AKTIP: variants seen among roughly 807,000 people sequenced by gnomAD.
AKTIP encodes AKT-interacting protein.
AKTIP carries 16 observed loss-of-function variants against 39.1 expected under a neutral mutation model. The ratio of observed to expected loss-of-function variants is 0.41; its 90% confidence interval spans 0.28 to 0.62. AKTIP has a LOEUF of 0.62. AKTIP is among the 20% of genes least tolerant of loss of function. AKTIP has a pLI of 0.32. For synonymous variants in AKTIP, 93 were observed against 124.3 expected, an observed-to-expected ratio of 0.75 and a Z score of 1.67; for missense variants, 262 against 356.6, an observed-to-expected ratio of 0.73 and a Z score of 2.14.
At chr16:53,500,102 G>T in intron 2 of AKTIP, 116 bp downstream of exon 2, 8 of 706,272 alleles carry the variant, frequency 1.1e-5, no homozygotes, top group Non-Finnish European at 1.4e-5. Flanking sequence ...GAAAAACCAG[G>T]TAATTTTGTC....
At chr16:53,501,681 C>T (rs1962178333) in intron 1 of AKTIP, 1 of 152,238 alleles carries the variant, frequency 6.6e-6, no homozygotes, top group African/African-American at 2.4e-5. Flanking sequence ...TCTTCTCTGA[C>T]GAGCTTGTGA....
chr16:53,501,667 T>A (rs1172437948), intron 1 of AKTIP: 1 of 152,214 alleles, frequency 6.6e-6, no homozygotes, highest in African/African-American at 2.4e-5. Context: ...TCAGCAATAA[T>A]TTGTCTTCTC....
rs1195222012 is a variant in AKTIP at position 53,492,893 on chromosome 16, CATT to C, written c.711-143_711-141del. On this transcript the variant is annotated intron_variant, in intron 8 of 9. Coordinates refer to ENST00000394657, the MANE Select transcript of AKTIP (RefSeq NM_022476.4). ...TTGTTGTCGACATGTATGTTTTAGA[CATT>C]ATCTAATTAATTTTCTCACATAACT... 3 of 693,870 alleles carry C rather than the reference CATT, an allele frequency of 4.3e-6. No homozygotes were observed. The East Asian group carries it at 8.3e-5, about 19-fold the overall frequency. 43.0% of individuals were successfully genotyped at this position (693,870 alleles called of 1,614,324 possible).
At chr16:53,497,712 A>C (rs2150862312) in intron 3 of AKTIP, among the ~76,000 whole-genome samples, 1 of 152,370 alleles carries the variant, frequency 6.6e-6, no homozygotes, top group South Asian at 2.1e-4. Flanking sequence ...CGAATTCCTC[A>C]CTTCACATAA....
At chr16:53,502,361 G>C (rs558191110) in intron 1 of AKTIP, among the ~76,000 whole-genome samples, 1 of 152,334 alleles carries the variant, frequency 6.6e-6, no homozygotes, top group East Asian at 1.9e-4. Context: ...AACAATTTTA[G>C]AATTTCTGCC....
At chr16:53,500,527 G>C (rs1962107261) in intron 1 of AKTIP, among the ~76,000 whole-genome samples, 198 bp from the exon 2 acceptor site, 2 of 152,038 alleles carry the variant, frequency 1.3e-5, no homozygotes, top group South Asian at 4.1e-4. Context: ...ACAGGTGCCT[G>C]CCACCATGCC....
In AKTIP at chr16:53,495,185, A is replaced by AAT. The variant is rs1437074420; in HGVS notation, c.314-14_314-13dup. 25 of 1,612,444 alleles carry AAT rather than the reference A, an allele frequency of 1.6e-5. No individual in the cohort carries two copies. Among genetic ancestry groups the AAT allele is most frequent in the East Asian group, 8.9e-5 (4 of 44,862 alleles). On this transcript the variant is annotated splice_polypyrimidine_tract_variant and intron_variant, in intron 4 of 9. Coordinates refer to ENST00000394657, the MANE Select transcript of AKTIP (RefSeq NM_022476.4). The stretch of plus-strand genomic sequence containing the variant: ...TACTCCAAACCACACTGTAGGAAAA[A>AAT]ATAAAAGAGTTAAGGCCTAAATTTG...
chr16:53,499,608 C>T (rs1434067197), intron 2 of AKTIP, among the ~76,000 whole-genome samples: 10 of 151,954 alleles, frequency 6.6e-5, no homozygotes, highest in South Asian at 2.1e-4. Context: ...AACAGGCGCC[C>T]GCCACCATGC....
chr16:53,494,339 A>C lies in AKTIP; in HGVS notation c.602T>G (p.Leu201Arg). The stretch of plus-strand genomic sequence containing the variant: ...AAATAACAAAGCAAAAGTTACATAC[A>C]GTACTGCAGCCTCTGGGTTCAGGGG... ...ASPLNPEAAV[L>R]YEKDIQLFKS... The change falls in exon 7 of 10, where the codon CTG (leucine) becomes CGG (arginine). Residue 201 changes from leucine (L) to arginine (R), a missense_variant and splice_region_variant. By Grantham distance (102) the Leu-to-Arg change is moderately radical. Coordinates refer to ENST00000394657, the MANE Select transcript of AKTIP (RefSeq NM_022476.4). 2 of 1,614,066 alleles carry C rather than the reference A, an allele frequency of 1.2e-6. No homozygotes were observed. Among genetic ancestry groups the C allele is most frequent in the Non-Finnish European group, 1.7e-6 (2 of 1,179,908 alleles).
chr16:53,494,175 A>G lies in AKTIP; in HGVS notation c.673T>C (p.Phe225Leu). The G allele has an allele frequency of 1.2e-6, 2 of 1,614,232 alleles. No individual in the cohort carries two copies. The highest frequency in any genetic ancestry group is 1.7e-6 in the Non-Finnish European group (2 of 1,180,028). ...DSVKVCTARL[F>L]DQPKIEDPYA... ...GGGTCTTCTATTTTAGGTTGGTCAA[A>G]CAAACGAGCAGTGCACACCTTAACA... Residue 225 changes from phenylalanine (F) to leucine (L), a missense_variant, in exon 8 of 10, where the codon TTT becomes CTT. Transcript: ENST00000394657.
At chr16:53,494,097 A>T (rs1961673919) in intron 8 of AKTIP, 41 bp downstream of exon 8, 1 of 1,445,574 alleles carries the variant, frequency 6.9e-7, no homozygotes, top group Admixed American at 1.7e-5. Context: ...AGTGTATTGG[A>T]AAGGACAGTG....
intron 1 of AKTIP, among the ~76,000 whole-genome samples, chr16:53,502,281 G>T (rs1050011508): frequency 3.4e-4 from 52 of 152,188 alleles, no homozygotes; most frequent in Non-Finnish European, 7.3e-4. Context: ...TCTAGGACAA[G>T]CACAGCATAC....
At chr16:53,503,983 AG>A (rs1405769848), upstream of AKTIP, among the ~76,000 whole-genome samples, 1 of 134,156 alleles carries the variant, frequency 7.5e-6, no homozygotes, top group Non-Finnish European at 1.6e-5. Context: ...GGCTGGGGGG[AG>A]GGGGGAGGCT....
rs1426340920 is a variant in AKTIP, at chr16:53,492,400, A to T, written c.*12T>A. 1 of 1,605,642 alleles carries T rather than the reference A, an allele frequency of 6.2e-7. No homozygotes were observed. The highest frequency in any genetic ancestry group is 2.2e-5 in the East Asian group (1 of 44,848). ...AGCAGGAAAGTGCATGGTGCACCAGATTCACCATCTCTTAAGTCGCCACTG... is the reference window on the plus strand; with the variant it reads ...AGCAGGAAAGTGCATGGTGCACCAGTTTCACCATCTCTTAAGTCGCCACTG... On this transcript the variant is annotated 3_prime_UTR_variant, in exon 10 of 10. Coordinates refer to ENST00000394657, the MANE Select transcript of AKTIP (RefSeq NM_022476.4).
intron 1 of AKTIP, chr16:53,502,933 C>CA (rs1962264457): frequency 6.6e-6 from 1 of 152,408 alleles, no homozygotes; most frequent in East Asian, 1.9e-4. Flanking sequence ...CAGTCCCCAG[C>CA]AGCAGTCCCG....
At chr16:53,492,848 A>AT (rs1434862761) in intron 8 of AKTIP, 95 bp from the exon 9 acceptor site, 67 of 999,622 alleles carry the variant, frequency 6.7e-5, no homozygotes, top group Non-Finnish European at 9.9e-5. Flanking sequence ...CCCTAACTTA[A>AT]TAAAGCACAG....
chr16:53,495,436 T>C (rs1961773122), intron 3 of AKTIP, 110 bp from the exon 4 acceptor site: 1 of 999,894 alleles, frequency 1.0e-6, no homozygotes. Context: ...GGGCAGCTGA[T>C]GCCCAAACCC....
chr16:53,502,949 C>A lies in AKTIP; in HGVS notation c.-71+198G>T, dbSNP rs909927102. ...AGTCCCCAGCAGCAGTCCCGGGCTGCGAGGCGGCCAGCGCAGCAGGTGCCT... is the reference window on the plus strand; with the variant it reads ...AGTCCCCAGCAGCAGTCCCGGGCTGAGAGGCGGCCAGCGCAGCAGGTGCCT... On this transcript the variant is annotated intron_variant, in intron 1 of 9. Transcript: ENST00000394657. 19 of 152,444 alleles carry A rather than the reference C, an allele frequency of 1.2e-4. No homozygotes were observed. In the East Asian group the frequency reaches 3.5e-3, roughly 28 times the overall value. The allele number at this position is 152,444 out of a possible 1,614,324, so 9.4% of individuals were successfully genotyped here.
chr16:53,496,347 C>G (rs1351488831), intron 3 of AKTIP, among the ~76,000 whole-genome samples: 1 of 152,016 alleles, frequency 6.6e-6, no homozygotes, highest in Non-Finnish European at 1.5e-5. Context: ...AACTCACTGC[C>G]CAGCCTCAAA....
Sources: allele counts gnomAD v4.1 joint callset (sites outside exome capture counted in the v4.1 genomes callset), GRCh38; gene constraint gnomAD v4.1.1; transcripts MANE v1.5; gene names NCBI Gene and HGNC (gene_info 2026-07-23, HGNC 2026-07-21).